The following SCMH1 variants were observed in gnomAD, a reference collection of about 807,000 sequenced individuals.
The protein encoded by SCMH1 is polycomb protein SCMH1.
SCMH1 carries 37 observed loss-of-function variants against 70.8 expected under a neutral mutation model. The observed-to-expected ratio is 0.52, with a 90% CI of 0.40 to 0.69. The LOEUF is 0.69. Among genes scored for constraint, SCMH1 ranks in the 30% least tolerant of loss-of-function variants. The probability of loss-of-function intolerance (pLI) is 0.00; values close to 1 mark genes in which losing one functional copy is unlikely to be tolerated. For synonymous variants in SCMH1, 292 were observed against 307.4 expected, an observed-to-expected ratio of 0.95 and a Z score of 0.52; for missense variants, 607 against 827.3, an observed-to-expected ratio of 0.73 and a Z score of 3.27.
chr1:41,145,534 T>A (rs1644473470), intron 5 of SCMH1, among the ~76,000 whole-genome samples: 1 of 152,210 alleles, frequency 6.6e-6, no homozygotes, highest in Admixed American at 6.5e-5. Flanking sequence ...AAGATTGCTA[T>A]GGCTATTCTG....
chr1:41,104,009 T>C (rs997293300), intron 8 of SCMH1, among the ~76,000 whole-genome samples: 4 of 152,202 alleles, frequency 2.6e-5, no homozygotes, highest in Non-Finnish European at 5.9e-5. Flanking sequence ...AGAAGCCTCA[T>C]CTCATATTTA....
At chr1:41,028,492 A>T in intron 14 of SCMH1, 92 bp downstream of exon 15, 1 of 1,553,560 alleles carries the variant, frequency 6.4e-7, no homozygotes, top group South Asian at 1.2e-5. Flanking sequence ...TTTGTCTCTA[A>T]GCATCCCTCC....
At chr1:41,160,885 G>T (rs1645961934) in exon 4 of SCMH1, 1 of 1,550,112 alleles carries the variant, frequency 6.5e-7, no homozygotes, top group East Asian at 2.4e-5. Context: ...CTAGATCCAG[G>T]ATGTCAGCAG....
intron 6 of SCMH1, among the ~76,000 whole-genome samples, chr1:41,122,370 G>A (rs1042411263): frequency 2.6e-5 from 4 of 152,122 alleles, no homozygotes; most frequent in East Asian, 1.9e-4. Context: ...CCTCAGAAAG[G>A]TGTTCCTTGA....
At chr1:41,182,039 G>A (rs991260938) in intron 2 of SCMH1, among the ~76,000 whole-genome samples, 1 of 152,300 alleles carries the variant, frequency 6.6e-6, no homozygotes, top group African/African-American at 2.4e-5. Context: ...ATGAGTTCAT[G>A]TCCTTTGTAG....
intron 1 of SCMH1, among the ~76,000 whole-genome samples, chr1:41,202,490 C>T (rs1014362235): frequency 5.3e-5 from 8 of 152,162 alleles, no homozygotes; most frequent in African/African-American, 9.7e-5. Context: ...GACCAGGATT[C>T]GTGGTAGACT....
chr1:41,087,789 G>A (rs1228962768), intron 8 of SCMH1, among the ~76,000 whole-genome samples: 1 of 151,978 alleles, frequency 6.6e-6, no homozygotes, highest in South Asian at 2.1e-4. Context: ...TTGGACCCAA[G>A]AATACCGCTT....
chr1:41,164,931 A>G (rs1300643193), intron 2 of SCMH1, among the ~76,000 whole-genome samples: 1 of 152,136 alleles, frequency 6.6e-6, no homozygotes, highest in Non-Finnish European at 1.5e-5. Flanking sequence ...TTCGAAATAC[A>G]TAATACATTA....
At chr1:41,093,266 C>G (rs148351839) in intron 8 of SCMH1, among the ~76,000 whole-genome samples, 1 of 151,296 alleles carries the variant, frequency 6.6e-6, no homozygotes, top group Non-Finnish European at 1.5e-5. Context: ...AGCAAACTAT[C>G]GCAAGGACAG....
chr1:41,236,432 A>C (rs956461005), intron 1 of SCMH1, among the ~76,000 whole-genome samples: 3 of 152,174 alleles, frequency 2.0e-5, no homozygotes, highest in South Asian at 2.1e-4. Flanking sequence ...AATGGTTAAC[A>C]ATGTAGGAAA....
intron 1 of SCMH1, among the ~76,000 whole-genome samples, chr1:41,199,081 T>C (rs10889885): frequency 0.24 from 35,759 of 152,142 alleles, 5,030 homozygotes; most frequent in Non-Finnish European, 0.31. Context: ...TCTGTTAAAA[T>C]AAATTTTCAT....
intron 2 of SCMH1, among the ~76,000 whole-genome samples, chr1:41,182,658 C>T (rs1396248831): frequency 6.6e-6 from 1 of 151,996 alleles, no homozygotes; most frequent in African/African-American, 2.4e-5. Flanking sequence ...CTGCAGTGAG[C>T]CAGGATTACG....
chr1:41,066,716 G>A (rs1654720789), intron 10 of SCMH1, among the ~76,000 whole-genome samples: 1 of 152,084 alleles, frequency 6.6e-6, no homozygotes, highest in African/African-American at 2.4e-5. Context: ...CCGAGTAGCT[G>A]GGACCACAGG....
chr1:41,116,786 T>C, intron 7 of SCMH1, 136 bp downstream of exon 7: 1 of 553,700 alleles, frequency 1.8e-6, no homozygotes, highest in Non-Finnish European at 3.1e-6. Context: ...TAATTGCTGC[T>C]TCATAAGCTA....
intron 6 of SCMH1, among the ~76,000 whole-genome samples, chr1:41,132,240 C>T (rs897524250): frequency 6.6e-6 from 1 of 152,186 alleles, no homozygotes; most frequent in African/African-American, 2.4e-5. Context: ...GATCGCCATT[C>T]TAACTGGCGT....
intron 5 of SCMH1, among the ~76,000 whole-genome samples, chr1:41,148,354 G>A (rs1169192406): frequency 1.3e-5 from 2 of 151,890 alleles, no homozygotes; most frequent in Non-Finnish European, 2.9e-5. Context: ...TCATTTCTTT[G>A]TATAGATCTG....
chr1:41,074,897 C>T (rs985813948), intron 9 of SCMH1, among the ~76,000 whole-genome samples: 1 of 152,218 alleles, frequency 6.6e-6, no homozygotes, highest in Non-Finnish European at 1.5e-5. Context: ...GAGTCTCGCT[C>T]TGTCACCCAG....
chr1:41,223,775 G>T (rs1378446705), intron 1 of SCMH1, among the ~76,000 whole-genome samples: 1 of 152,096 alleles, frequency 6.6e-6, no homozygotes, highest in Non-Finnish European at 1.5e-5. Flanking sequence ...CCTGTTGTGA[G>T]AATCAGATAA....
intron 8 of SCMH1, among the ~76,000 whole-genome samples, chr1:41,087,937 G>GGTGTGTGTGTGTGTGT (rs55721560): frequency 0.078 from 10,916 of 139,774 alleles, 606 homozygotes; most frequent in African/African-American, 0.13. Flanking sequence ...TATAGTTTCT[G>GGTGTGTGTGTGTGTGT]GTGTGTGTGT....
Sources: gnomAD v4.1 joint callset for allele counts (sites outside exome capture counted in the v4.1 genomes callset) on GRCh38, gnomAD v4.1.1 for gene constraint, MANE v1.5 for transcripts, NCBI Gene and HGNC (gene_info 2026-07-23, HGNC 2026-07-21) for gene names.